Variants in DMD observed in about 807,000 individuals in gnomAD.
The protein encoded by DMD is dystrophin, also known as mutant dystrophin.
Under a neutral mutation model 330.1 loss-of-function variants are expected in DMD, and 63 were observed. The observed-to-expected ratio is 0.19, with a 90% CI of 0.16 to 0.24. DMD has a LOEUF of 0.24. DMD is among the 10% of genes least tolerant of loss of function. DMD has a pLI of 1.00. For missense variants in DMD, 3,344 were observed against 2,684.1 expected (o/e 1.25, Z -5.43); for synonymous variants, 1,223 against 959.8 (o/e 1.27, Z -5.07).
intron 44 of DMD, among the ~76,000 whole-genome samples, chrX:32,137,464 T>C (rs1309137326): frequency 9.0e-6 from 1 of 111,717 alleles, no homozygotes; most frequent in African/African-American, 3.3e-5. Flanking sequence ...TAGCATTATA[T>C]GTTTAGTCAC....
chrX:32,096,842 T>C (rs1172022192), intron 44 of DMD, among the ~76,000 whole-genome samples: 1 of 111,888 alleles, frequency 8.9e-6, no homozygotes, highest in African/African-American at 3.2e-5. Context: ...TGAGTCCAGA[T>C]GACCAAACTC....
rs748682404 is a variant in DMD, at chrX:32,703,499, T to A, written c.650-4206A>T. Among the ~76,000 whole-genome samples the A allele has an allele frequency of 4.5e-5, 5 of 112,144 alleles. No individual in the cohort carries two copies. In the East Asian group the frequency reaches 8.4e-4, roughly 19 times the overall value. Reference sequence around the variant, plus strand: ...AAGCATTTATCACTTATTCCATATGTGCTAAGTGATTGTCATGTGCTATAG... The same window carrying A: ...AAGCATTTATCACTTATTCCATATGAGCTAAGTGATTGTCATGTGCTATAG... On this transcript the variant is annotated intron_variant, in intron 7 of 78. Coordinates refer to ENST00000357033, the MANE Select transcript of DMD (RefSeq NM_004006.3).
intron 1 of DMD, among the ~76,000 whole-genome samples, chrX:33,314,840 C>A (rs964019464): frequency 5.5e-5 from 6 of 109,208 alleles, no homozygotes; most frequent in Admixed American, 9.8e-5. Flanking sequence ...TTTTTTGATA[C>A]GGAGTTTCAC....
intron 44 of DMD, among the ~76,000 whole-genome samples, chrX:32,042,025 TCATATATATA>T (rs1173598273): frequency 4.8e-5 from 1 of 20,637 alleles, no homozygotes; most frequent in Non-Finnish European, 9.1e-5. Context: ...CTCTCTCTGT[TCATATATATA>T]TATATATATA....
At chrX:31,831,563 T>G (rs963591844) in intron 49 of DMD, among the ~76,000 whole-genome samples, 2 of 111,982 alleles carry the variant, frequency 1.8e-5, no homozygotes, top group Non-Finnish European at 3.8e-5. Flanking sequence ...CCTCTTATAC[T>G]CCAAGACTTT....
At chrX:33,125,812 C>T (rs1285187638) in intron 1 of DMD, among the ~76,000 whole-genome samples, 2 of 111,361 alleles carry the variant, frequency 1.8e-5, no homozygotes, top group Non-Finnish European at 3.8e-5. Context: ...AGTATAGATT[C>T]AAGTGCTTAT....
chrX:33,322,572 T>G (rs983299611), intron 1 of DMD, among the ~76,000 whole-genome samples: 4 of 111,783 alleles, frequency 3.6e-5, no homozygotes, highest in Non-Finnish European at 5.6e-5. Context: ...CTAACCAGTG[T>G]CAGCTTGTTG....
intron 7 of DMD, among the ~76,000 whole-genome samples, chrX:32,777,282 G>GGGGGGGGGGGGGGGGC (rs1368782701): frequency 1.8e-5 from 1 of 54,132 alleles, no homozygotes; most frequent in African/African-American, 6.4e-5. Context: ...CTGGTTGGGG[G>GGGGGGGGGGGGGGGGC]GGGAATCCTA....
chrX:33,070,307 C>T (rs200946754), intron 1 of DMD, among the ~76,000 whole-genome samples: 17 of 110,948 alleles, frequency 1.5e-4, no homozygotes, highest in East Asian at 8.5e-4. Context: ...TCAACTTGTA[C>T]GTATTAATAG....
intron 2 of DMD, among the ~76,000 whole-genome samples, chrX:32,949,391 T>TAGATAGATAGATAGAC (rs1371667399): frequency 1.3e-5 from 1 of 76,377 alleles, no homozygotes; most frequent in African/African-American, 4.9e-5. Context: ...GATAGATAGA[T>TAGATAGATAGATAGAC]AGACAGACAG....
chrX:31,365,803 T>C (rs1369232872), intron 60 of DMD, among the ~76,000 whole-genome samples: 2 of 112,814 alleles, frequency 1.8e-5, no homozygotes, highest in Non-Finnish European at 3.7e-5. Flanking sequence ...GAGCATGTTG[T>C]CTTGGTCATC....
intron 2 of DMD, among the ~76,000 whole-genome samples, chrX:32,872,531 C>T (rs926458532): frequency 8.9e-6 from 1 of 111,976 alleles, no homozygotes; most frequent in African/African-American, 3.2e-5. Flanking sequence ...AGATGAACAA[C>T]AAATAAGAGA....
intron 2 of DMD, among the ~76,000 whole-genome samples, chrX:32,958,701 T>C (rs759870652): frequency 2.2e-4 from 25 of 111,666 alleles, no homozygotes; most frequent in Non-Finnish European, 3.8e-4. Context: ...CTTCCTTTCA[T>C]ATGTGTACAA....
intron 50 of DMD, among the ~76,000 whole-genome samples, chrX:31,815,512 G>T (rs184601195): frequency 9.0e-6 from 1 of 111,126 alleles, no homozygotes; most frequent in African/African-American, 3.3e-5. Context: ...AGAAACTCTG[G>T]GGTTGAAGCC....
intron 29 of DMD, among the ~76,000 whole-genome samples, 164 bp downstream of exon 29, chrX:32,438,077 A>G (rs950752583): frequency 7.1e-5 from 8 of 112,387 alleles, no homozygotes; most frequent in African/African-American, 2.6e-4. Context: ...ATCACATGCT[A>G]TAATACACAT....
chrX:32,439,511 T>C (rs940565510), intron 28 of DMD, among the ~76,000 whole-genome samples: 1 of 111,843 alleles, frequency 8.9e-6, no homozygotes, highest in African/African-American at 3.2e-5. Flanking sequence ...TATAAATAAT[T>C]TTAATGGATA....
At chrX:32,847,221 T>G (rs755846073) in intron 3 of DMD, among the ~76,000 whole-genome samples, 1 of 111,930 alleles carries the variant, frequency 8.9e-6, no homozygotes, top group South Asian at 3.7e-4. Flanking sequence ...AATTTTCCTT[T>G]GTATCATATT....
intron 74 of DMD, among the ~76,000 whole-genome samples, chrX:31,159,537 C>A (rs1472661340): frequency 1.8e-5 from 2 of 111,682 alleles, no homozygotes; most frequent in East Asian, 5.6e-4. Flanking sequence ...TCTAACTGGG[C>A]TGCTCATGCC....
chrX:33,048,233 G>T (rs1425744344), intron 1 of DMD, among the ~76,000 whole-genome samples: 1 of 111,553 alleles, frequency 9.0e-6, no homozygotes, highest in African/African-American at 3.3e-5. Context: ...AACTGCATTT[G>T]GTGTCAACAG....
Sources: gnomAD v4.1 joint callset for allele counts (sites outside exome capture counted in the v4.1 genomes callset) on GRCh38, gnomAD v4.1.1 for gene constraint, MANE v1.5 for transcripts, NCBI Gene and HGNC (gene_info 2026-07-23, HGNC 2026-07-21) for gene names.